The following NSD1 variants were observed in gnomAD, a reference collection of about 807,000 sequenced individuals.
NSD1 encodes the protein nuclear receptor binding SET domain protein 1, also known as histone-lysine N-methyltransferase, H3 lysine-36 specific.
Under a neutral mutation model 242.7 loss-of-function variants are expected in NSD1, and 26 were observed. That is an observed-to-expected ratio of 0.11 (90% CI 0.08 to 0.15). The LOEUF is 0.15. Ranked by LOEUF, NSD1 falls within the 10% of genes least tolerant of loss-of-function variation. The probability of loss-of-function intolerance (pLI) is 1.00; values close to 1 mark genes in which losing one functional copy is unlikely to be tolerated. For synonymous variants in NSD1, 1,106 were observed against 1,178.1 expected (o/e 0.94, Z 1.25); for missense variants, 2,495 against 3,272.8 (o/e 0.76, Z 5.80).
intron 19 of NSD1, 55 bp downstream of exon 19, chr5:177,282,636 C>A: frequency 7.8e-7 from 1 of 1,280,082 alleles, no homozygotes; most frequent in Non-Finnish European, 1.1e-6. Flanking sequence ...TTTGTGTTGT[C>A]CCAGCCATAG....
chr5:177,138,784 T>C (rs1675126358), intron 2 of NSD1, among the ~76,000 whole-genome samples: 1 of 151,400 alleles, frequency 6.6e-6, no homozygotes, highest in African/African-American at 2.4e-5. Context: ...GGATTACAGG[T>C]GCGCACCACC....
intron 11 of NSD1, 56 bp downstream of exon 11, chr5:177,248,380 A>G: frequency 6.4e-7 from 1 of 1,568,058 alleles, no homozygotes; most frequent in Non-Finnish European, 8.7e-7. Context: ...TTAAAGGGAA[A>G]CCCACTCCAT....
At chr5:177,218,054 A>G (rs1486935663) in intron 5 of NSD1, among the ~76,000 whole-genome samples, 3 of 152,182 alleles carry the variant, frequency 2.0e-5, no homozygotes, top group South Asian at 2.1e-4. Flanking sequence ...CTGTGACTAC[A>G]GCCATGCACC....
chr5:177,132,829 T>A (rs1428609920), upstream of NSD1, among the ~76,000 whole-genome samples: 1 of 72,482 alleles, frequency 1.4e-5, no homozygotes, highest in Non-Finnish European at 3.0e-5. This position sits in a 1 kb window ranked among gnomAD's most constrained non-coding sequence, Gnocchi z 7.5. Flanking sequence ...AGGGAAGGGG[T>A]GGTGGGTGAG....
chr5:177,215,034 A>G (rs374368368), intron 5 of NSD1, among the ~76,000 whole-genome samples: 1 of 152,024 alleles, frequency 6.6e-6, no homozygotes, highest in Admixed American at 6.6e-5. Context: ...TAATATTCCA[A>G]CATACTTTTT....
chr5:177,262,882 T>G (rs1194753466), intron 14 of NSD1, among the ~76,000 whole-genome samples: 4 of 152,250 alleles, frequency 2.6e-5, no homozygotes, highest in Non-Finnish European at 2.9e-5. Flanking sequence ...TATGCTCATC[T>G]GAGACAAATG....
intron 16 of NSD1, among the ~76,000 whole-genome samples, chr5:177,272,537 C>A (rs969425158): frequency 1.1e-4 from 17 of 152,108 alleles, no homozygotes; most frequent in Non-Finnish European, 2.2e-4. Context: ...GTTTTAAGTG[C>A]AGAATGAGAA....
Position 177,294,222 on chromosome 5 carries a change from G to T in NSD1, c.6854G>T (p.Arg2285Ile). Reference protein sequence around the residue: ...RPLLPERPLERTDSRPQPLDK... With the variant: ...RPLLPERPLEITDSRPQPLDK... ...TTGCTACCTGAAAGACCTCTTGAGA[G>T]AACTGACTCCAGGCCCCAGCCTTTA... The change falls in exon 23 of 23, where the codon AGA becomes ATA. Residue 2285 changes from arginine to isoleucine, a missense_variant. Physicochemically the swap from Arg to Ile is moderately conservative, Grantham distance 97 (BLOSUM62 -3). This residue lies in a region of NSD1 where 475 missense variants were observed against 563.7 expected (regional missense o/e 0.84). Coordinates refer to ENST00000439151, the MANE Select transcript of NSD1 (RefSeq NM_022455.5). The T allele has an allele frequency of 6.2e-7, 1 of 1,613,490 alleles. No individual in the cohort carries two copies. The highest frequency in any genetic ancestry group is 1.1e-5 in the South Asian group (1 of 91,016).
chr5:177,249,199 C>T (rs935701092), intron 11 of NSD1, among the ~76,000 whole-genome samples: 7 of 152,038 alleles, frequency 4.6e-5, no homozygotes, highest in East Asian at 1.9e-4. Flanking sequence ...TTAGGCAATG[C>T]GCAGTGGCTC....
At chr5:177,186,001 AATT>A (rs1761166506) in intron 2 of NSD1, among the ~76,000 whole-genome samples, 1 of 102,564 alleles carries the variant, frequency 9.8e-6, no homozygotes. Context: ...TATATTATAT[AATT>A]TATATTATAT....
chr5:177,296,872 T>A lies in NSD1; in HGVS notation c.*1413T>A, dbSNP rs1349326954. ...CACTTGTCTACCCCTCCTTTGTCCT[T>A]AGACCAACATGTTTACCTCTCTGCT... On this transcript the variant is annotated 3_prime_UTR_variant, in exon 23 of 23. Coordinates refer to ENST00000439151, the MANE Select transcript of NSD1 (RefSeq NM_022455.5). 1.3e-5 allele frequency: 3 copies of A among 233,218 alleles called. No homozygotes were observed. The highest frequency in any genetic ancestry group is 5.6e-5 in the Admixed American group (1 of 17,776). The allele number at this position is 233,218 out of a possible 1,614,324, so 14.4% of individuals were successfully genotyped here.
intron 10 of NSD1, 105 bp downstream of exon 10, chr5:177,246,901 C>T: frequency 2.4e-6 from 2 of 820,024 alleles, no homozygotes; most frequent in South Asian, 1.4e-5. Context: ...TACTATTCTA[C>T]TGAAATGGCT....
In NSD1 at chr5:177,293,812, AT is replaced by A; in HGVS notation, c.6464-17del. The A allele has an allele frequency of 6.2e-7, 1 of 1,613,418 alleles. No individual in the cohort carries two copies. Among genetic ancestry groups the A allele is most frequent in the East Asian group, 2.2e-5 (1 of 44,852 alleles). ...GTATCTCTTTTTTCCTAAACTTTTG[AT>A]TTACTTCTGTGTTTTCAGGGAAATG... On this transcript the variant is annotated intron_variant, in intron 22 of 22. Coordinates refer to ENST00000439151, the MANE Select transcript of NSD1 (RefSeq NM_022455.5).
intron 20 of NSD1, 41 bp from the exon 21 acceptor site, chr5:177,288,778 T>C: frequency 7.2e-7 from 1 of 1,389,816 alleles, no homozygotes; most frequent in Non-Finnish European, 1.0e-6. Context: ...ATAATGTAAT[T>C]AAAACCATAG....
intron 2 of NSD1, among the ~76,000 whole-genome samples, chr5:177,179,368 A>G (rs1384498504): frequency 6.6e-6 from 1 of 152,130 alleles, no homozygotes; most frequent in Non-Finnish European, 1.5e-5. Context: ...GGCATGCGCC[A>G]CCACGCCCAG....
intron 3 of NSD1, among the ~76,000 whole-genome samples, chr5:177,198,280 C>A (rs1276912234): frequency 6.6e-6 from 1 of 152,166 alleles, no homozygotes; most frequent in Non-Finnish European, 1.5e-5. Flanking sequence ...CCCGCCTTGG[C>A]CTCCCAACGT....
chr5:177,211,772 A>G lies in NSD1; in HGVS notation c.3373A>G (p.Lys1125Glu), dbSNP rs1269005262. Reference sequence around the variant, plus strand: ...ATCTGATCCTGGTAAAATTTCTGAAAAAGGACTCTCTTTTGAAAACGGAAA... The same window carrying G: ...ATCTGATCCTGGTAAAATTTCTGAAGAAGGACTCTCTTTTGAAAACGGAAA... ...KQSDPGKISE[K>E]GLSFENGKGP... Residue 1125 changes from lysine to glutamate, a missense_variant, in exon 5 of 23, where the codon AAA (lysine) becomes GAA (glutamate). This residue lies in a region of NSD1 where 426 missense variants were observed against 411.4 expected (regional missense o/e 1.04). Coordinates refer to ENST00000439151, the MANE Select transcript of NSD1 (RefSeq NM_022455.5). The G allele has an allele frequency of 6.2e-7, 1 of 1,614,044 alleles. No individual in the cohort carries two copies. Among genetic ancestry groups the G allele is most frequent in the African/African-American group, 1.3e-5 (1 of 74,912 alleles).
chr5:177,172,696 C>T (rs566555721), intron 2 of NSD1, among the ~76,000 whole-genome samples: 20 of 152,198 alleles, frequency 1.3e-4, no homozygotes, highest in African/African-American at 4.1e-4. Flanking sequence ...TGGTGGTTCA[C>T]GTATATAATC....
intron 17 of NSD1, among the ~76,000 whole-genome samples, chr5:177,280,168 G>A (rs1256464112): frequency 6.7e-6 from 1 of 149,920 alleles, no homozygotes; most frequent in Non-Finnish European, 1.5e-5. Flanking sequence ...TAGTAGAGAC[G>A]GGGTTTCACC....
Sources: allele counts gnomAD v4.1 joint callset (sites outside exome capture counted in the v4.1 genomes callset), GRCh38; gene constraint gnomAD v4.1.1; regional missense constraint gnomAD v4.1.1; non-coding constraint Gnocchi (gnomAD v3.1); transcripts MANE v1.5; gene names NCBI Gene and HGNC (gene_info 2026-07-23, HGNC 2026-07-21).